SYT1: variants seen among roughly 807,000 people sequenced by gnomAD.
SYT1 encodes the protein synaptotagmin 1.
Under a neutral mutation model 44.8 loss-of-function variants are expected in SYT1, and 8 were observed. The ratio of observed to expected loss-of-function variants is 0.18; its 90% confidence interval spans 0.10 to 0.32. SYT1 has a LOEUF of 0.32. SYT1 is among the 10% of genes least tolerant of loss of function. The pLI is 1.00. For missense variants in SYT1, 286 were observed against 509.3 expected, an observed-to-expected ratio of 0.56 and a Z score of 4.22; for synonymous variants, 154 against 188.8, an observed-to-expected ratio of 0.82 and a Z score of 1.51.
At chr12:79,392,533 A>C (rs934012186) in intron 9 of SYT1, 2 of 152,176 alleles carry the variant, frequency 1.3e-5, no homozygotes, top group African/African-American at 4.8e-5. Context: ...TATATGATTT[A>C]CTTGGAGTAT....
At chr12:79,241,915 A>G (rs1233586388) in intron 4 of SYT1, among the ~76,000 whole-genome samples, 1 of 152,232 alleles carries the variant, frequency 6.6e-6, no homozygotes, top group Non-Finnish European at 1.5e-5. Context: ...AGAGAGATAC[A>G]CAGGGAGAAC....
At chr12:79,275,696 T>C (rs550458808) in intron 4 of SYT1, among the ~76,000 whole-genome samples, 95 of 152,300 alleles carry the variant, frequency 6.2e-4, no homozygotes, top group African/African-American at 2.3e-3. Flanking sequence ...TTTTGCCCAC[T>C]ATTGGGTTTT....
At position 79,347,729 on chromosome 12, in the gene SYT1, A is replaced by G. The variant is rs139192186; in HGVS notation, c.811-5773A>G. ...AATGCTGGGAACACAGCAGTAAGAAAAACAAGTCTTTTCTCTTATGGATCT... is the reference window on the plus strand; with the variant it reads ...AATGCTGGGAACACAGCAGTAAGAAGAACAAGTCTTTTCTCTTATGGATCT... On this transcript the variant is annotated intron_variant, in intron 8 of 10. Transcript: ENST00000261205. Among the ~76,000 whole-genome samples the G allele has an allele frequency of 4.0e-3, 609 of 152,310 alleles. 4 individuals are homozygous for G. Among genetic ancestry groups the G allele is most frequent in the Non-Finnish European group, 6.0e-3 (411 of 68,024 alleles).
chr12:79,343,988 T>C (rs1882491945), intron 8 of SYT1, among the ~76,000 whole-genome samples: 1 of 152,128 alleles, frequency 6.6e-6, no homozygotes, highest in Non-Finnish European at 1.5e-5. Flanking sequence ...ATTAGTTCAG[T>C]CCAGTAAAAC....
intron 3 of SYT1, among the ~76,000 whole-genome samples, chr12:79,070,102 G>A (rs1362009652): frequency 6.6e-6 from 1 of 152,042 alleles, no homozygotes; most frequent in Admixed American, 6.6e-5. Context: ...CCTATTCTTT[G>A]AAGGCGGTTT....
intron 1 of SYT1, among the ~76,000 whole-genome samples, chr12:78,868,435 T>C (rs904188163): frequency 1.3e-5 from 2 of 151,886 alleles, no homozygotes; most frequent in Non-Finnish European, 3.0e-5. Context: ...ATCATAAATA[T>C]ATCTGTACCA....
intron 3 of SYT1, among the ~76,000 whole-genome samples, chr12:79,142,085 T>G (rs1489024171): frequency 2.0e-5 from 3 of 152,222 alleles, no homozygotes; most frequent in African/African-American, 7.2e-5. Context: ...CCAAGCATCA[T>G]GCAGTAATCC....
intron 1 of SYT1, among the ~76,000 whole-genome samples, chr12:78,957,887 C>G (rs770950283): frequency 2.0e-5 from 3 of 152,126 alleles, no homozygotes; most frequent in African/African-American, 7.2e-5. Context: ...TTGCTTAAGA[C>G]TTTAAAATCA....
chr12:79,415,939 G>C (rs574832030), intron 9 of SYT1, among the ~76,000 whole-genome samples: 4 of 152,174 alleles, frequency 2.6e-5, no homozygotes, highest in Non-Finnish European at 5.9e-5. Flanking sequence ...TAGGATCCAA[G>C]CCAGGCTTTA....
At chr12:79,379,206 AG>A (rs1565933139) in intron 9 of SYT1, among the ~76,000 whole-genome samples, 1 of 152,198 alleles carries the variant, frequency 6.6e-6, no homozygotes, top group East Asian at 1.9e-4. Context: ...TTTTTTAGCA[AG>A]TTAATCAAAA....
intron 5 of SYT1, chr12:79,291,735 T>C (rs1592935655): frequency 1.9e-6 from 1 of 532,422 alleles, no homozygotes; most frequent in East Asian, 4.7e-5. Flanking sequence ...AGTTGACACT[T>C]TCTTTGCAAC....
chr12:79,213,770 C>T (rs185013939), intron 3 of SYT1, among the ~76,000 whole-genome samples: 1 of 152,198 alleles, frequency 6.6e-6, no homozygotes, highest in East Asian at 1.9e-4. Flanking sequence ...ACTGAAAATA[C>T]AAAAATTAGT....
At chr12:78,960,748 T>G (rs966539963) in intron 1 of SYT1, 2 of 152,130 alleles carry the variant, frequency 1.3e-5, no homozygotes, top group African/African-American at 4.8e-5. Context: ...AATTTTCAAG[T>G]GAAAAAAACT....
At chr12:79,441,490 T>G (rs886389719) in intron 9 of SYT1, among the ~76,000 whole-genome samples, 1 of 152,104 alleles carries the variant, frequency 6.6e-6, no homozygotes, top group African/African-American at 2.4e-5. Flanking sequence ...AATTTTTGTA[T>G]TTTTGGTAGA....
chr12:78,998,572 A>G (rs1870527945), intron 2 of SYT1, among the ~76,000 whole-genome samples: 1 of 152,224 alleles, frequency 6.6e-6, no homozygotes, highest in African/African-American at 2.4e-5. Context: ...AGCAGTATCT[A>G]AACAACGATA....
At chr12:78,909,741 C>T (rs1329343033) in intron 1 of SYT1, among the ~76,000 whole-genome samples, 1 of 151,942 alleles carries the variant, frequency 6.6e-6, no homozygotes, top group Non-Finnish European at 1.5e-5. Flanking sequence ...CATCACCAAA[C>T]TAGTACTTTA....
chr12:78,957,658 C>G (rs1259362761), intron 1 of SYT1, among the ~76,000 whole-genome samples: 2 of 152,060 alleles, frequency 1.3e-5, no homozygotes, highest in African/African-American at 4.8e-5. Context: ...CTTTGGGAGT[C>G]AAATAGCGTG....
intron 9 of SYT1, chr12:79,392,750 C>G (rs1195535745): frequency 8.2e-6 from 1 of 121,868 alleles, no homozygotes; most frequent in African/African-American, 2.5e-5. Context: ...AAGAGGCAAT[C>G]CTGAAAGCAT....
intron 9 of SYT1, among the ~76,000 whole-genome samples, chr12:79,374,818 C>T (rs1883927260): frequency 6.6e-6 from 1 of 152,200 alleles, no homozygotes; most frequent in Admixed American, 6.5e-5. Flanking sequence ...TTTTGTGATA[C>T]CTGCCTACAA....
Sources: allele counts gnomAD v4.1 joint callset (sites outside exome capture counted in the v4.1 genomes callset), GRCh38; gene constraint gnomAD v4.1.1; transcripts MANE v1.5; gene names NCBI Gene and HGNC (gene_info 2026-07-23, HGNC 2026-07-21).